Variants in MGAT4C observed in about 807,000 individuals in gnomAD.
MGAT4C encodes alpha-1,3-mannosyl-glycoprotein 4-beta-N-acetylglucosaminyltransferase C.
In MGAT4C, 19 loss-of-function variants were observed where a neutral mutation model predicts 40.1. The ratio of observed to expected loss-of-function variants is 0.47; its 90% confidence interval spans 0.33 to 0.70. The LOEUF (loss-of-function observed/expected upper bound fraction) is 0.70. Ranked by LOEUF, MGAT4C falls within the 30% of genes least tolerant of loss-of-function variation. The pLI is 0.02. For synonymous variants in MGAT4C, 181 were observed against 187.1 expected (o/e 0.97, Z 0.27); for missense variants, 491 against 563.2 (o/e 0.87, Z 1.30).
intron 2 of MGAT4C, among the ~76,000 whole-genome samples, chr12:86,709,467 G>A (rs1016216130): frequency 6.6e-6 from 1 of 151,914 alleles, no homozygotes; most frequent in Non-Finnish European, 1.5e-5. Flanking sequence ...TTTGTACTTA[G>A]ACTCAAAGTA....
At chr12:86,641,478 T>C (rs929542388) in intron 2 of MGAT4C, among the ~76,000 whole-genome samples, 3 of 151,254 alleles carry the variant, frequency 2.0e-5, no homozygotes, top group Non-Finnish European at 3.0e-5. Flanking sequence ...ATGTAACTAA[T>C]CTGCACATTG....
chr12:86,651,234 T>A (rs574125185), intron 2 of MGAT4C, among the ~76,000 whole-genome samples: 15 of 152,018 alleles, frequency 9.9e-5, no homozygotes, highest in African/African-American at 3.4e-4. Flanking sequence ...TTCTTCTTCA[T>A]GGTATATTAA....
At chr12:86,678,563 A>C (rs937208062) in intron 2 of MGAT4C, among the ~76,000 whole-genome samples, 5 of 148,760 alleles carry the variant, frequency 3.4e-5, no homozygotes, top group African/African-American at 1.2e-4. Context: ...ATATCTCCTA[A>C]AGCTATCCCT....
At chr12:86,164,581 T>C (rs906009465) in intron 1 of MGAT4C, among the ~76,000 whole-genome samples, 1 of 152,154 alleles carries the variant, frequency 6.6e-6, no homozygotes, top group African/African-American at 2.4e-5. Context: ...TGGAAGAGTG[T>C]ATGATGTTTT....
At chr12:86,574,077 T>A (rs1299994233) in intron 2 of MGAT4C, among the ~76,000 whole-genome samples, 2 of 151,774 alleles carry the variant, frequency 1.3e-5, no homozygotes, top group Non-Finnish European at 2.9e-5. Context: ...AAAAAACCTG[T>A]ATGAAAATTA....
chr12:86,449,643 T>G (rs1957391784), intron 2 of MGAT4C, among the ~76,000 whole-genome samples: 1 of 152,152 alleles, frequency 6.6e-6, no homozygotes, highest in African/African-American at 2.4e-5. Context: ...ACTAAGTCTG[T>G]TTTTGAAATT....
upstream of MGAT4C, among the ~76,000 whole-genome samples, chr12:86,258,162 T>A (rs569617311): frequency 2.0e-5 from 3 of 152,144 alleles, no homozygotes; most frequent in Non-Finnish European, 4.4e-5. Context: ...AACTCAAAAA[T>A]AATGTTGCAA....
intron 1 of MGAT4C, among the ~76,000 whole-genome samples, chr12:86,137,541 A>T (rs1379963401): frequency 6.6e-6 from 1 of 152,208 alleles, no homozygotes; most frequent in Non-Finnish European, 1.5e-5. Flanking sequence ...AAGTTTAAAC[A>T]AGCCCTTTGA....
chr12:86,702,405 A>C (rs1052241992), intron 2 of MGAT4C, among the ~76,000 whole-genome samples: 2 of 152,122 alleles, frequency 1.3e-5, no homozygotes, highest in African/African-American at 4.8e-5. Flanking sequence ...CAGGACTGTC[A>C]TATCTATGAA....
At chr12:86,809,319 C>A (rs966974345) in intron 1 of MGAT4C, among the ~76,000 whole-genome samples, 12 of 152,062 alleles carry the variant, frequency 7.9e-5, no homozygotes, top group Non-Finnish European at 1.2e-4. Context: ...TGTTGGATAT[C>A]TGAGCTATTT....
chr12:86,362,868 A>AG (rs1955511964), intron 3 of MGAT4C, among the ~76,000 whole-genome samples: 1 of 126,194 alleles, frequency 7.9e-6, no homozygotes, highest in South Asian at 2.3e-4. Flanking sequence ...CTCCATCTCA[A>AG]AAAAAAAAAA....
At chr12:86,717,613 C>T (rs1950666172) in intron 2 of MGAT4C, among the ~76,000 whole-genome samples, 1 of 152,076 alleles carries the variant, frequency 6.6e-6, no homozygotes, top group Non-Finnish European at 1.5e-5. Flanking sequence ...AATAAAAACT[C>T]ATCTCTTGGA....
intron 1 of MGAT4C, among the ~76,000 whole-genome samples, chr12:86,096,579 C>G (rs1005245660): frequency 3.3e-5 from 5 of 151,106 alleles, no homozygotes; most frequent in African/African-American, 9.7e-5. Flanking sequence ...TTTTGGATTA[C>G]TTTTTTTTCC....
At chr12:86,664,046 A>G (rs1465548541) in intron 2 of MGAT4C, among the ~76,000 whole-genome samples, 4 of 152,070 alleles carry the variant, frequency 2.6e-5, no homozygotes, top group African/African-American at 9.7e-5. Flanking sequence ...TTGGAAATGC[A>G]TTTATTCAGT....
chr12:85,989,298 C>A, intron 3 of MGAT4C, 102 bp downstream of exon 3: 1 of 1,168,518 alleles, frequency 8.6e-7, no homozygotes, highest in Non-Finnish European at 1.2e-6. Flanking sequence ...CAAACTAAGT[C>A]TTCTCCAATA....
chr12:86,650,035 C>T (rs1354455237), intron 2 of MGAT4C, among the ~76,000 whole-genome samples: 1 of 151,824 alleles, frequency 6.6e-6, no homozygotes. Flanking sequence ...TTGCAGAACA[C>T]AATTCTTAAT....
intron 3 of MGAT4C, among the ~76,000 whole-genome samples, chr12:86,348,337 A>G (rs1404931163): frequency 6.6e-6 from 1 of 152,126 alleles, no homozygotes; most frequent in Non-Finnish European, 1.5e-5. Flanking sequence ...TTTTTAAGAT[A>G]TTCTTAGAAT....
intron 1 of MGAT4C, among the ~76,000 whole-genome samples, chr12:86,173,414 C>T (rs1256271129): frequency 6.6e-6 from 1 of 151,774 alleles, no homozygotes; most frequent in Non-Finnish European, 1.5e-5. Flanking sequence ...GCAGGAATGC[C>T]CATAATAGAA....
At chr12:86,191,760 G>A (rs935823312) in intron 1 of MGAT4C, among the ~76,000 whole-genome samples, 26 of 143,092 alleles carry the variant, frequency 1.8e-4, no homozygotes, top group Non-Finnish European at 3.3e-4. Context: ...AGGTGTGTGT[G>A]TGTGTGTGTG....
Sources: allele counts gnomAD v4.1 joint callset (sites outside exome capture counted in the v4.1 genomes callset), GRCh38; gene constraint gnomAD v4.1.1; transcripts MANE v1.5; gene names NCBI Gene and HGNC (gene_info 2026-07-23, HGNC 2026-07-21).